The following MICAL2 variants were observed in gnomAD, a reference collection of about 807,000 sequenced individuals.
MICAL2 encodes [F-actin]-monooxygenase MICAL2.
A neutral mutation model predicts 127.3 loss-of-function variants in MICAL2; 77 were observed. The observed-to-expected ratio is 0.60, with a 90% CI of 0.50 to 0.73. The LOEUF (loss-of-function observed/expected upper bound fraction) is 0.73. Ranked by LOEUF, MICAL2 falls within the 30% of genes least tolerant of loss-of-function variation. The pLI is 0.00. For synonymous variants in MICAL2, 570 were observed against 551.1 expected (o/e 1.03, Z -0.48); for missense variants, 1,351 against 1,434.4 (o/e 0.94, Z 0.94).
At chr11:12,228,223 G>A (rs1002607219) in intron 15 of MICAL2, among the ~76,000 whole-genome samples, 54 of 152,102 alleles carry the variant, frequency 3.6e-4, no homozygotes, top group African/African-American at 1.1e-3. Context: ...CCAGCTACTC[G>A]GGAGGCTGAG....
rs1859872779 is a variant in MICAL2, at chr11:12,241,112, C to T, written c.2287C>T (p.Pro763Ser). ...SSGPPVHSCCPKPEEATPSPS... is the reference protein window; with the variant it reads ...SSGPPVHSCCSKPEEATPSPS... ...CGGCCCTCCTGTTCACTCTTGCTGC[C>T]CCAAGCCGGAGGAGGCCACACCCAG... The change falls in exon 18 of 28, where the codon CCC (proline) becomes TCC (serine). Residue 763 changes from proline to serine, a missense_variant. Pro to Ser is a moderately conservative substitution (Grantham distance 74). This residue lies in a region of MICAL2 where 752 missense variants were observed against 719.4 expected (regional missense o/e 1.05). Coordinates refer to ENST00000683283, the MANE Select transcript of MICAL2 (RefSeq NM_001282663.2). The T allele has an allele frequency of 1.2e-6, 2 of 1,614,148 alleles. No individual in the cohort carries two copies. Among genetic ancestry groups the T allele is most frequent in the Admixed American group, 1.7e-5 (1 of 60,018 alleles).
downstream of MICAL2, among the ~76,000 whole-genome samples, chr11:12,289,090 T>C (rs980661082): frequency 9.2e-5 from 14 of 152,230 alleles, no homozygotes; most frequent in African/African-American, 2.9e-4. Flanking sequence ...CCTCCCCAGC[T>C]GATCATGCTG....
intron 1 of MICAL2, among the ~76,000 whole-genome samples, chr11:12,112,554 G>A (rs1849690573): frequency 6.6e-6 from 1 of 151,766 alleles, no homozygotes; most frequent in Admixed American, 6.6e-5. Flanking sequence ...TTTGGGGGTG[G>A]GGGGGCAGGT....
At chr11:12,163,485 A>C (rs770087331) in intron 3 of MICAL2, among the ~76,000 whole-genome samples, 34 of 152,206 alleles carry the variant, frequency 2.2e-4, no homozygotes, top group Non-Finnish European at 4.1e-4. Flanking sequence ...CGAGTCCACC[A>C]TGGGATATGC....
chr11:12,344,117 G>A (rs1389739610), intron 32 of MICAL2, among the ~76,000 whole-genome samples: 6 of 152,126 alleles, frequency 3.9e-5, no homozygotes, highest in South Asian at 4.2e-4. Flanking sequence ...GCAACATAGC[G>A]AAACCCCATC....
chr11:12,349,771 T>C (rs186470929), intron 32 of MICAL2: 98 of 1,506,108 alleles, frequency 6.5e-5, no homozygotes, highest in Non-Finnish European at 8.8e-5. Flanking sequence ...CTAAAGTGGC[T>C]CAAAGCAGTT....
At chr11:12,276,053 C>T (rs966415726), upstream of MICAL2, 9 of 399,240 alleles carry the variant, frequency 2.3e-5, no homozygotes, top group East Asian at 3.6e-5. Context: ...CGGAAGGGGA[C>T]GCTGCCTCTC....
chr11:12,197,576 G>T (rs2134072298), intron 3 of MICAL2: 1 of 152,362 alleles, frequency 6.6e-6, no homozygotes, highest in East Asian at 1.9e-4. Context: ...CTCTGCTGCT[G>T]GCAGGGGTAC....
At chr11:12,164,386 G>A (rs957590620) in intron 3 of MICAL2, among the ~76,000 whole-genome samples, 8 of 152,202 alleles carry the variant, frequency 5.3e-5, no homozygotes, top group Non-Finnish European at 1.0e-4. Flanking sequence ...AGATACATTT[G>A]AGAATGCATT....
rs776954382 is a variant in MICAL2 at position 12,242,793 on chromosome 11, G to T, written c.2658+21G>T. 7.0e-6 allele frequency: 11 copies of T among 1,570,940 alleles called. No homozygotes were observed. The African/African-American group carries it at 1.2e-4, about 18-fold the overall frequency. On this transcript the variant is annotated intron_variant, in intron 20 of 27. Transcript: ENST00000683283. ...CGCAGGTAAACATGGGGCTTTCAGA[G>T]CCCCCAGGAACCTGATGCTGGACAT...
chr11:12,338,653 G>A (rs1169300048), intron 32 of MICAL2, among the ~76,000 whole-genome samples: 2 of 152,128 alleles, frequency 1.3e-5, no homozygotes, highest in Admixed American at 6.5e-5. Context: ...AGGCCTTGTG[G>A]TGACAAAATC....
chr11:12,129,714 A>G (rs977774053), intron 1 of MICAL2, among the ~76,000 whole-genome samples: 1 of 116,598 alleles, frequency 8.6e-6, no homozygotes, highest in Admixed American at 9.6e-5. Context: ...TTTATGATTC[A>G]TTTATTTATA....
chr11:12,279,841 G>A (rs1254285865), intron 1 of MICAL2, among the ~76,000 whole-genome samples: 1 of 152,156 alleles, frequency 6.6e-6, no homozygotes, highest in Non-Finnish European at 1.5e-5. Flanking sequence ...CTTCCCTCTG[G>A]GAACAATCAG....
At chr11:12,231,439 C>G (rs993508483) in intron 15 of MICAL2, among the ~76,000 whole-genome samples, 1 of 152,162 alleles carries the variant, frequency 6.6e-6, no homozygotes, top group African/African-American at 2.4e-5. Context: ...GTCCAGGTCC[C>G]CCTCCCCAAC....
chr11:12,226,252 C>G lies in MICAL2; in HGVS notation c.1770C>G (p.Ile590Met). ...ATGTGGCCGAGCGAGAGTTTGGGAT[C>G]CCTCCAGTGACCACGGGCAAAGAGA... ...AFDVAEREFG[I>M]PPVTTGKEMA... The change falls in exon 14 of 28, where the codon ATC becomes ATG. Residue 590 changes from isoleucine (I) to methionine (M), a missense_variant. Ile to Met is a conservative substitution (Grantham distance 10, BLOSUM62 1). Around this residue, in one of 2 missense-constraint regions of MICAL2, gnomAD observed 752 missense variants for 719.4 expected, o/e 1.05. Coordinates refer to ENST00000683283, the MANE Select transcript of MICAL2 (RefSeq NM_001282663.2). 1 of 1,614,234 alleles carries G rather than the reference C, an allele frequency of 6.2e-7. No individual in the cohort carries two copies. The highest frequency in any genetic ancestry group is 8.5e-7 in the Non-Finnish European group (1 of 1,180,046).
Position 12,240,738 on chromosome 11 carries a change from A to G in MICAL2, c.2215-302A>G, listed in dbSNP as rs1859801355. Among the ~76,000 whole-genome samples the G allele has an allele frequency of 3.3e-5, 5 of 152,146 alleles. No individual in the cohort carries two copies. In the South Asian group the frequency reaches 1.0e-3, roughly 32 times the overall value. ...CCTGGCCTAGCCACCCTGGCCTGGC[A>G]TGGGCTCTGGCAGTGCCTGCTTAAG... is the stretch of plus-strand genomic sequence containing the variant. On this transcript the variant is annotated intron_variant, in intron 17 of 27. Transcript: ENST00000683283.
chr11:12,319,721 A>C, exon 30 of MICAL2: 3 of 1,614,008 alleles, frequency 1.9e-6, no homozygotes, highest in Non-Finnish European at 2.5e-6. Flanking sequence ...CCCTCAGAGC[A>C]CAGGTAACAG....
At chr11:12,202,307 A>G (rs1027192409) in intron 3 of MICAL2, among the ~76,000 whole-genome samples, 2 of 152,170 alleles carry the variant, frequency 1.3e-5, no homozygotes, top group Non-Finnish European at 2.9e-5. Context: ...GCAAACCAGA[A>G]GCAGTCCAGC....
chr11:12,339,406 T>C (rs1342250166), intron 32 of MICAL2, among the ~76,000 whole-genome samples: 2 of 152,162 alleles, frequency 1.3e-5, no homozygotes, highest in African/African-American at 2.4e-5. Flanking sequence ...CTTCCTCCTT[T>C]AGCTCATAGT....
Sources: allele counts gnomAD v4.1 joint callset (sites outside exome capture counted in the v4.1 genomes callset), GRCh38; gene constraint gnomAD v4.1.1; regional missense constraint gnomAD v4.1.1; transcripts MANE v1.5; gene names NCBI Gene and HGNC (gene_info 2026-07-23, HGNC 2026-07-21).